Variants in ICA1 observed in about 807,000 individuals in gnomAD.
ICA1 encodes islet cell autoantigen 1, also known as 69 kDa islet cell autoantigen.
Under a neutral mutation model 71.0 loss-of-function variants are expected in ICA1, and 40 were observed. The ratio of observed to expected loss-of-function variants is 0.56; its 90% CI spans 0.44 to 0.73. ICA1 has a LOEUF of 0.73. Ranked by LOEUF, ICA1 falls within the 30% of genes least tolerant of loss-of-function variation. ICA1 has a pLI of 0.00. For missense variants in ICA1, 578 were observed against 576.5 expected (o/e 1.00, Z -0.03); for synonymous variants, 207 against 209.5 (o/e 0.99, Z 0.10).
intron 12 of ICA1, among the ~76,000 whole-genome samples, chr7:8,138,368 C>T (rs1046269863): frequency 1.1e-4 from 17 of 152,192 alleles, no homozygotes; most frequent in Non-Finnish European, 1.5e-5. Context: ...TGACATAACC[C>T]TGTGTTAGAG....
intron 3 of ICA1, among the ~76,000 whole-genome samples, chr7:8,230,686 G>A (rs73675121): frequency 0.11 from 17,215 of 152,118 alleles, 2,517 homozygotes; most frequent in African/African-American, 0.35. Context: ...AAAATACTAT[G>A]AGATATAAAA....
At chr7:8,196,113 G>C (rs1032843136) in intron 6 of ICA1, among the ~76,000 whole-genome samples, 3 of 152,154 alleles carry the variant, frequency 2.0e-5, no homozygotes, top group African/African-American at 7.2e-5. Context: ...CAACCAAGCT[G>C]TCCTTCAGTA....
At chr7:8,212,599 T>A (rs985153749) in intron 6 of ICA1, among the ~76,000 whole-genome samples, 1 of 152,094 alleles carries the variant, frequency 6.6e-6, no homozygotes, top group Admixed American at 6.6e-5. Flanking sequence ...ACTAAAAATG[T>A]TGCAGCTGGA....
intron 10 of ICA1, among the ~76,000 whole-genome samples, chr7:8,139,612 T>A (rs1367451833): frequency 6.6e-6 from 1 of 152,220 alleles, no homozygotes; most frequent in Non-Finnish European, 1.5e-5. Flanking sequence ...TCATTATACA[T>A]TTGTAATGCC....
intron 1 of ICA1, among the ~76,000 whole-genome samples, chr7:8,242,465 A>T (rs535289634): frequency 2.4e-4 from 37 of 152,362 alleles, no homozygotes; most frequent in African/African-American, 8.7e-4. Flanking sequence ...AGAAAGCAGG[A>T]AAGATCTAAA....
intron 1 of ICA1, among the ~76,000 whole-genome samples, chr7:8,243,983 C>T (rs2128497164): frequency 6.6e-6 from 1 of 152,248 alleles, no homozygotes; most frequent in South Asian, 2.1e-4. Flanking sequence ...GTGAAAATGG[C>T]CATACTGCCC....
At chr7:8,138,237 C>G (rs965803464) in intron 12 of ICA1, among the ~76,000 whole-genome samples, 1 of 152,150 alleles carries the variant, frequency 6.6e-6, no homozygotes, top group African/African-American at 2.4e-5. Context: ...TTGGTAAATT[C>G]AGGTGTGCGA....
At chr7:8,240,994 G>C (rs2128487270) in intron 1 of ICA1, among the ~76,000 whole-genome samples, 1 of 152,318 alleles carries the variant, frequency 6.6e-6, no homozygotes, top group East Asian at 1.9e-4. Flanking sequence ...ACAGTCTTCA[G>C]GATATTATCC....
intron 6 of ICA1, among the ~76,000 whole-genome samples, chr7:8,189,022 T>C (rs1784720214): frequency 1.3e-5 from 2 of 151,864 alleles, no homozygotes; most frequent in African/African-American, 4.8e-5. Context: ...ATCAGGGGAG[T>C]GAGCCCGCGA....
intron 10 of ICA1, 57 bp from the exon 11 acceptor site, chr7:8,139,104 T>C (rs1228488651): frequency 7.4e-7 from 1 of 1,354,452 alleles, no homozygotes; most frequent in Non-Finnish European, 1.1e-6. Flanking sequence ...TGCATGTTCA[T>C]ACGCTATTGC....
At chr7:8,165,991 A>G (rs995551636) in intron 6 of ICA1, among the ~76,000 whole-genome samples, 1 of 152,212 alleles carries the variant, frequency 6.6e-6, no homozygotes, top group Non-Finnish European at 1.5e-5. Flanking sequence ...TACCAATGCC[A>G]TTCGTTACAG....
At chr7:8,230,945 G>T (rs1308718150) in intron 3 of ICA1, among the ~76,000 whole-genome samples, 1 of 152,164 alleles carries the variant, frequency 6.6e-6, no homozygotes, top group Non-Finnish European at 1.5e-5. Flanking sequence ...GATACGTCGT[G>T]AATAGGCTAA....
chr7:8,131,183 T>C (rs1024340828), intron 12 of ICA1, among the ~76,000 whole-genome samples: 4 of 152,174 alleles, frequency 2.6e-5, no homozygotes, highest in African/African-American at 7.2e-5. Context: ...AGTCAACACA[T>C]AGAGGGAAAC....
At chr7:8,168,296 A>G (rs1806916975) in intron 6 of ICA1, among the ~76,000 whole-genome samples, 1 of 152,116 alleles carries the variant, frequency 6.6e-6, no homozygotes, top group African/African-American at 2.4e-5. Context: ...AGTGTTTCCA[A>G]AATTTATTTT....
At chr7:8,151,132 T>C (rs539677820) in intron 8 of ICA1, among the ~76,000 whole-genome samples, 2 of 152,338 alleles carry the variant, frequency 1.3e-5, no homozygotes, top group South Asian at 2.1e-4. Flanking sequence ...GTGTGACAAA[T>C]TCTCCTAGAC....
intron 6 of ICA1, among the ~76,000 whole-genome samples, chr7:8,169,063 T>C (rs1316238107): frequency 2.0e-5 from 3 of 152,144 alleles, no homozygotes; most frequent in Non-Finnish European, 4.4e-5. Context: ...TCTGTCACTA[T>C]AGATTATATT....
intron 12 of ICA1, among the ~76,000 whole-genome samples, chr7:8,133,941 A>G (rs1251214082): frequency 2.0e-5 from 3 of 151,672 alleles, no homozygotes; most frequent in Non-Finnish European, 2.9e-5. Context: ...AGGTTAAATA[A>G]CCTACCCAAT....
rs190043955 is a variant in ICA1 at position 8,129,703 on chromosome 7, T to A, written c.1061-1561A>T. Among the ~76,000 whole-genome samples, 705 of 152,300 alleles carry A rather than the reference T, an allele frequency of 4.6e-3. 3 individuals carry two copies. The highest frequency in any genetic ancestry group is 0.015 in the African/African-American group (623 of 41,562). On this transcript the variant is annotated intron_variant, in intron 12 of 13. Transcript: ENST00000402384. ...GCTTCTGAGACAGTGTGATTTTTTT[T>A]AAAATTATTATTATTATACTTTAAG...
intron 1 of ICA1, among the ~76,000 whole-genome samples, chr7:8,239,447 G>C (rs992997041): frequency 3.3e-5 from 5 of 152,188 alleles, no homozygotes; most frequent in Non-Finnish European, 5.9e-5. Context: ...CGGCCGAATA[G>C]GAATAGCTCC....
Sources: gnomAD v4.1 joint callset for allele counts (sites outside exome capture counted in the v4.1 genomes callset) on GRCh38, gnomAD v4.1.1 for gene constraint, MANE v1.5 for transcripts, NCBI Gene and HGNC (gene_info 2026-07-23, HGNC 2026-07-21) for gene names.